Variants in ROBO2 observed in about 807,000 individuals in gnomAD.
ROBO2 encodes roundabout homolog 2.
ROBO2 carries 53 observed loss-of-function variants against 160.8 expected under a neutral mutation model. The observed-to-expected ratio is 0.33, with a 90% CI of 0.26 to 0.41. The LOEUF (loss-of-function observed/expected upper bound fraction) is 0.41. Among genes scored for constraint, ROBO2 ranks in the 10% least tolerant of loss-of-function variants. ROBO2 has a pLI of 1.00. For missense variants in ROBO2, 1,577 were observed against 1,722.4 expected, an observed-to-expected ratio of 0.92 and a Z score of 1.49; for synonymous variants, 664 against 611.7, an observed-to-expected ratio of 1.09 and a Z score of -1.26.
chr3:77,427,616 T>C (rs2078336373), intron 2 of ROBO2, among the ~76,000 whole-genome samples: 1 of 152,152 alleles, frequency 6.6e-6, no homozygotes, highest in Non-Finnish European at 1.5e-5. Flanking sequence ...CTGGAGTGAA[T>C]GGCCTTCTGG....
chr3:75,960,843 A>G (rs1482624414), intron 2 of ROBO2, among the ~76,000 whole-genome samples: 1 of 151,794 alleles, frequency 6.6e-6, no homozygotes, highest in Non-Finnish European at 1.5e-5. Flanking sequence ...ATCAAATATG[A>G]ATTAGAAATA....
At chr3:77,365,816 G>A (rs1401919422) in intron 2 of ROBO2, among the ~76,000 whole-genome samples, 6 of 151,282 alleles carry the variant, frequency 4.0e-5, no homozygotes, top group South Asian at 2.1e-4. Flanking sequence ...TAACCAACCC[G>A]ATGAAATGCA....
chr3:77,252,037 C>A (rs1183825645), intron 2 of ROBO2, among the ~76,000 whole-genome samples: 1 of 151,986 alleles, frequency 6.6e-6, no homozygotes, highest in Admixed American at 6.6e-5. Flanking sequence ...ATTATTTTTT[C>A]TTCCCTAATT....
intron 2 of ROBO2, among the ~76,000 whole-genome samples, chr3:76,273,153 T>TATA (rs1707697130): frequency 8.7e-6 from 1 of 114,820 alleles, no homozygotes; most frequent in African/African-American, 3.8e-5. Context: ...ATATACACAT[T>TATA]TCTATTTGGA....
intron 1 of ROBO2, among the ~76,000 whole-genome samples, chr3:77,089,334 CTCTGATAGCTTAATCT>C (rs1045730683): frequency 2.6e-5 from 4 of 152,036 alleles, no homozygotes; most frequent in Non-Finnish European, 5.9e-5. Context: ...GTAAAAGGAC[CTCTGATAGCTTAATCT>C]TCTGTTTTCT....
At chr3:76,740,548 T>C (rs567773670) in intron 2 of ROBO2, among the ~76,000 whole-genome samples, 4 of 152,268 alleles carry the variant, frequency 2.6e-5, no homozygotes, top group African/African-American at 9.6e-5. Flanking sequence ...GTAGGTTTAT[T>C]TTCTGACCTG....
intron 2 of ROBO2, among the ~76,000 whole-genome samples, chr3:76,013,531 G>T (rs953369069): frequency 2.0e-5 from 3 of 151,458 alleles, no homozygotes; most frequent in Admixed American, 6.6e-5. Context: ...TGTGGTTTAT[G>T]CGTGTAATCC....
At chr3:77,261,020 T>C (rs923957298) in intron 2 of ROBO2, among the ~76,000 whole-genome samples, 1 of 152,112 alleles carries the variant, frequency 6.6e-6, no homozygotes, top group Non-Finnish European at 1.5e-5. Flanking sequence ...ATCTCAGAAG[T>C]AGTGACAAAA....
chr3:76,497,626 C>G (rs920362316), intron 2 of ROBO2, among the ~76,000 whole-genome samples: 1 of 152,162 alleles, frequency 6.6e-6, no homozygotes, highest in Non-Finnish European at 1.5e-5. Flanking sequence ...AAATATAAGT[C>G]TAGATGTTGC....
At chr3:76,468,203 A>G (rs2078460745) in intron 2 of ROBO2, among the ~76,000 whole-genome samples, 1 of 152,260 alleles carries the variant, frequency 6.6e-6, no homozygotes, top group African/African-American at 2.4e-5. Flanking sequence ...TAAATTGTCC[A>G]AGGCTACATT....
intron 2 of ROBO2, among the ~76,000 whole-genome samples, chr3:76,565,783 G>T (rs1050399473): frequency 6.6e-6 from 1 of 152,166 alleles, no homozygotes; most frequent in Non-Finnish European, 1.5e-5. Flanking sequence ...CATAAATAAT[G>T]AAGGATGTTC....
intron 2 of ROBO2, among the ~76,000 whole-genome samples, chr3:75,989,327 A>G (rs978335079): frequency 1.3e-5 from 2 of 152,068 alleles, no homozygotes; most frequent in East Asian, 3.9e-4. Flanking sequence ...CGTGTTGGCC[A>G]GGCTGGTCTC....
chr3:76,297,368 C>T (rs998535814), intron 2 of ROBO2, among the ~76,000 whole-genome samples: 3 of 152,166 alleles, frequency 2.0e-5, no homozygotes, highest in Admixed American at 6.5e-5. Flanking sequence ...TGCCATGTCA[C>T]ACTTATACTA....
At chr3:77,645,085 T>C (rs1583490197) in intron 25 of ROBO2, among the ~76,000 whole-genome samples, 181 bp downstream of exon 27, 1 of 152,362 alleles carries the variant, frequency 6.6e-6, no homozygotes, top group East Asian at 1.9e-4. Flanking sequence ...TTGAAGTCCA[T>C]TTTTATAAAT....
At chr3:76,747,094 A>G (rs1011271497) in intron 2 of ROBO2, among the ~76,000 whole-genome samples, 7 of 152,128 alleles carry the variant, frequency 4.6e-5, no homozygotes, top group East Asian at 1.9e-4. Flanking sequence ...GCTATTGTCA[A>G]TAGTGCTGCA....
At chr3:77,066,614 T>C (rs939650939) in intron 1 of ROBO2, among the ~76,000 whole-genome samples, 4 of 152,126 alleles carry the variant, frequency 2.6e-5, no homozygotes, top group Admixed American at 6.6e-5. Flanking sequence ...GGGAAATAAG[T>C]TAATGTATAG....
intron 2 of ROBO2, among the ~76,000 whole-genome samples, chr3:76,919,830 T>C (rs913984031): frequency 1.3e-5 from 2 of 152,172 alleles, no homozygotes; most frequent in Non-Finnish European, 2.9e-5. Flanking sequence ...CCCTGATATG[T>C]TTTATTGTAG....
intron 2 of ROBO2, among the ~76,000 whole-genome samples, chr3:76,387,684 T>G (rs187391477): frequency 8.5e-4 from 130 of 152,284 alleles, no homozygotes; most frequent in African/African-American, 2.7e-3. Flanking sequence ...ATTTAAAAAT[T>G]AAGCAACTTG....
At position 76,330,684 on chromosome 3, in the gene ROBO2, T is replaced by A. The variant is rs1215256747; in HGVS notation, c.109+393082T>A. Among the ~76,000 whole-genome samples, 6 of 152,234 alleles carry A rather than the reference T, an allele frequency of 3.9e-5. No individual in the cohort carries two copies. In the East Asian group the frequency reaches 1.2e-3, roughly 29 times the overall value. ...TTTGAATTTCAATGGCCCATCCTCA[T>A]ATAAATTCTATTTTGGATTCCTAGG... On this transcript the variant is annotated intron_variant, in intron 2 of 26. Coordinates refer to the ROBO2 transcript ENST00000487694.
Sources: allele counts gnomAD v4.1 joint callset (sites outside exome capture counted in the v4.1 genomes callset), GRCh38; gene constraint gnomAD v4.1.1; transcripts MANE v1.5; gene names NCBI Gene and HGNC (gene_info 2026-07-23, HGNC 2026-07-21).